Variants in AVEN observed in about 807,000 individuals in gnomAD.
AVEN encodes cell death regulator Aven.
In AVEN, 41 loss-of-function variants were observed where a neutral mutation model predicts 38.1. The ratio of observed to expected loss-of-function variants is 1.08; its 90% confidence interval spans 0.84 to 1.40. The LOEUF is 1.40. Among genes scored for constraint, AVEN ranks in the 40% most tolerant of loss-of-function variants. The pLI is 0.00. For synonymous variants in AVEN, 206 were observed against 171.8 expected (o/e 1.20, Z -1.56); for missense variants, 605 against 438.8 (o/e 1.38, Z -3.38).
rs377620553 is a variant in AVEN at position 34,054,599 on chromosome 15, G to A, written n.1637+8323C>T. On this transcript the variant is annotated intron_variant and non_coding_transcript_variant, in intron 5 of 11. Transcript: ENST00000675287. ...GAACAGAAAACGAAAACTAAACACC[G>A]CATGTTCTCACTTATAAGTAAGAGC... 7.2e-5 allele frequency among the ~76,000 whole-genome samples: 11 copies of A among 152,246 alleles called. No individual in the cohort carries two copies. The East Asian group carries it at 7.7e-4, about 11-fold the overall frequency.
downstream of AVEN, chr15:33,854,698 A>C: frequency 6.5e-7 from 1 of 1,534,232 alleles, no homozygotes; most frequent in Non-Finnish European, 8.7e-7. Context: ...CAAAATAAGA[A>C]AAAATGTTTT....
intron 2 of AVEN, among the ~76,000 whole-genome samples, chr15:33,989,348 T>A (rs908536033): frequency 3.3e-5 from 5 of 151,958 alleles, no homozygotes; most frequent in Admixed American, 2.0e-4. Context: ...AGCTTTTGTA[T>A]AGAACTTTAT....
At chr15:33,987,057 C>T (rs573442516) in intron 2 of AVEN, among the ~76,000 whole-genome samples, 2 of 152,310 alleles carry the variant, frequency 1.3e-5, no homozygotes, top group South Asian at 2.1e-4. Flanking sequence ...TTGACATCCT[C>T]ACCACTCAAT....
chr15:33,994,331 G>C (rs1896849853), intron 2 of AVEN, among the ~76,000 whole-genome samples: 1 of 152,230 alleles, frequency 6.6e-6, no homozygotes, highest in African/African-American at 2.4e-5. Flanking sequence ...TGATCTGTCA[G>C]TCTCCCATCA....
At chr15:33,854,795 C>G (rs1353830603), downstream of AVEN, 4 of 1,612,804 alleles carry the variant, frequency 2.5e-6, no homozygotes, top group South Asian at 4.4e-5. Flanking sequence ...GGTATACAAC[C>G]ATGTCAGTCC....
chr15:34,058,233 G>C (rs923554283), intron 5 of AVEN, among the ~76,000 whole-genome samples: 1 of 152,008 alleles, frequency 6.6e-6, no homozygotes, highest in Non-Finnish European at 1.5e-5. Flanking sequence ...AAATACCTTC[G>C]CAGCAATATC....
At chr15:33,873,392 G>A (rs370434550) in intron 3 of AVEN, among the ~76,000 whole-genome samples, 49 of 150,402 alleles carry the variant, frequency 3.3e-4, no homozygotes, top group African/African-American at 8.2e-4. Context: ...GAGCCACTGC[G>A]CCCGCCCCCT....
At chr15:33,867,327 G>A (rs781120619) in intron 5 of AVEN, among the ~76,000 whole-genome samples, 168 bp downstream of exon 5, 1 of 151,544 alleles carries the variant, frequency 6.6e-6, no homozygotes, top group African/African-American at 2.4e-5. Flanking sequence ...TTGTCAGAAA[G>A]GTCAGCTCAG....
At chr15:33,903,308 A>G (rs1010766658) in intron 2 of AVEN, among the ~76,000 whole-genome samples, 1 of 152,236 alleles carries the variant, frequency 6.6e-6, no homozygotes, top group Non-Finnish European at 1.5e-5. Flanking sequence ...CATGGATGGC[A>G]CAAATTGCAG....
At chr15:34,067,234 A>G (rs1055453766) in intron 2 of AVEN, 1 of 152,204 alleles carries the variant, frequency 6.6e-6, no homozygotes, top group African/African-American at 2.4e-5. Context: ...TGAACAAAGC[A>G]TTTTGTCAAT....
intron 2 of AVEN, chr15:33,992,062 A>T (rs1896745868): frequency 6.6e-6 from 1 of 152,292 alleles, no homozygotes; most frequent in Non-Finnish European, 1.5e-5. Context: ...TTTAGCACAC[A>T]AATTCTGCTC....
At chr15:34,073,986 CTTCTTTT>C (rs1173656652) in intron 1 of AVEN, among the ~76,000 whole-genome samples, 16,441 of 111,826 alleles carry the variant, frequency 0.15, 2,896 homozygotes, top group Middle Eastern at 0.19. Flanking sequence ...TTTTCTTCTT[CTTCTTTT>C]TTTTTTTTTT....
intron 2 of AVEN, among the ~76,000 whole-genome samples, chr15:33,993,218 G>C (rs1295372097): frequency 1.3e-5 from 2 of 152,196 alleles, no homozygotes; most frequent in Non-Finnish European, 2.9e-5. Flanking sequence ...GAAGGTAAGA[G>C]TGGGGTGCCA....
intron 2 of AVEN, among the ~76,000 whole-genome samples, chr15:33,924,775 T>C (rs985859712): frequency 6.6e-6 from 1 of 152,226 alleles, no homozygotes; most frequent in Non-Finnish European, 1.5e-5. Flanking sequence ...GCTTCAACTG[T>C]AGAATATTTC....
At chr15:34,021,890 C>T (rs946601884) in intron 1 of AVEN, among the ~76,000 whole-genome samples, 2 of 152,060 alleles carry the variant, frequency 1.3e-5, no homozygotes, top group African/African-American at 4.8e-5. Context: ...AATAAGAGCA[C>T]TTCCACATGG....
chr15:33,968,657 T>C (rs1220713036), intron 2 of AVEN: 1 of 152,134 alleles, frequency 6.6e-6, no homozygotes. Context: ...AGGAAGCTGA[T>C]GGACTGAAAA....
In AVEN at chr15:34,035,985, G is replaced by C. The variant is rs372604690; in HGVS notation, c.267+2795C>G. ...AGTTTTGTATTTTTTTTATAGAGAG[G>C]GGGTCTCGTTATGTTGCCCAGTCTG... On this transcript the variant is annotated intron_variant, in intron 1 of 5. Transcript: ENST00000306730. Among the ~76,000 whole-genome samples the C allele has an allele frequency of 1.3e-4, 20 of 152,064 alleles. No individual in the cohort carries two copies. In the East Asian group the frequency reaches 3.7e-3, roughly 28 times the overall value.
intron 1 of AVEN, among the ~76,000 whole-genome samples, chr15:34,037,352 T>C (rs1048850126): frequency 5.3e-5 from 8 of 151,860 alleles, no homozygotes; most frequent in African/African-American, 1.7e-4. Flanking sequence ...CACGAAAAAG[T>C]AAGAGATAAA....
chr15:33,867,088 C>T (rs1317377033), intron 5 of AVEN, among the ~76,000 whole-genome samples: 1 of 152,146 alleles, frequency 6.6e-6, no homozygotes, highest in Non-Finnish European at 1.5e-5. Context: ...ACAGGACATG[C>T]AGAAATCAGA....
Sources: allele counts gnomAD v4.1 joint callset (sites outside exome capture counted in the v4.1 genomes callset), GRCh38; gene constraint gnomAD v4.1.1; transcripts MANE v1.5; gene names NCBI Gene and HGNC (gene_info 2026-07-23, HGNC 2026-07-21).